The following RTTN variants were observed in gnomAD, a reference collection of about 807,000 sequenced individuals.
RTTN encodes the protein rotatin.
Under a neutral mutation model 269.2 loss-of-function variants are expected in RTTN, and 182 were observed. The observed-to-expected ratio is 0.68, with a 90% CI of 0.60 to 0.76. The LOEUF is 0.76. RTTN is among the 30% of genes least tolerant of loss of function. The pLI is 0.00. For synonymous variants in RTTN, 1,006 were observed against 963.5 expected (o/e 1.04, Z -0.82); for missense variants, 2,545 against 2,608.6 (o/e 0.98, Z 0.53).
intron 46 of RTTN, among the ~76,000 whole-genome samples, chr18:70,009,273 C>A (rs768563262): frequency 2.0e-5 from 3 of 151,878 alleles, no homozygotes; most frequent in Non-Finnish European, 2.9e-5. Context: ...GTAGCTGGGA[C>A]GACAGGTGGG....
chr18:70,088,062 A>G lies in RTTN; in HGVS notation c.4229T>C (p.Ile1410Thr), dbSNP rs1181634525. Residue 1410 changes from isoleucine to threonine, a missense_variant, in exon 31 of 49, where the codon ATT becomes ACT. Physicochemically the swap from Ile to Thr is moderately conservative, Grantham distance 89. Transcript: ENST00000640769. Reference protein sequence around the residue: ...CVALANSCQNISGGLWGTVVN... With the variant: ...CVALANSCQNTSGGLWGTVVN... Reference sequence around the variant, plus strand: ...CACAGTTCCCCAGAGCCCACCGGAAATGTTCTGACAACTGTTTGCTAAGGC... The same window carrying G: ...CACAGTTCCCCAGAGCCCACCGGAAGTGTTCTGACAACTGTTTGCTAAGGC... The G allele has an allele frequency of 6.2e-7, 1 of 1,613,984 alleles. No homozygotes were observed. The highest frequency in any genetic ancestry group is 1.7e-5 in the Admixed American group (1 of 59,956).
intron 44 of RTTN, 63 bp from the exon 45 acceptor site, chr18:70,020,880 T>A: frequency 1.5e-6 from 2 of 1,373,814 alleles, no homozygotes; most frequent in Non-Finnish European, 2.0e-6. Context: ...TTGAAGACAC[T>A]AAGTGGCAAA....
At chr18:70,006,563 C>T (rs1396868036) in intron 46 of RTTN, 79 bp from the exon 47 acceptor site, 4 of 1,031,378 alleles carry the variant, frequency 3.9e-6, no homozygotes, top group Middle Eastern at 2.1e-4. Context: ...GTCAGACACC[C>T]CCCTCTTTTC....
In RTTN at chr18:70,028,604, G is replaced by C. The variant is rs887673032; in HGVS notation, c.5823+120C>G. The C allele has an allele frequency of 6.9e-6, 4 of 578,086 alleles. No homozygotes were observed. The South Asian group carries it at 7.3e-5, about 11-fold the overall frequency. 35.8% of individuals were successfully genotyped at this position (578,086 alleles called of 1,614,324 possible). ...CACTGAGTTTAAGGACCAATCAACT[G>C]TGTGTCTAAAAATTTAAAAGTCAGA... On this transcript the variant is annotated intron_variant, in intron 43 of 48. Transcript: ENST00000640769.
intron 36 of RTTN, 26 bp downstream of exon 36, chr18:70,059,824 C>T (rs1446208441): frequency 1.4e-6 from 2 of 1,439,724 alleles, no homozygotes; most frequent in Non-Finnish European, 1.9e-6. Flanking sequence ...AACTAACATG[C>T]CTCTCTAGGA....
At chr18:70,193,215 C>T in intron 8 of RTTN, 73 bp downstream of exon 8, 1 of 985,466 alleles carries the variant, frequency 1.0e-6, no homozygotes, top group Non-Finnish European at 1.5e-6. Context: ...AAATAATTAT[C>T]TCCTTCTGAA....
intron 31 of RTTN, 94 bp downstream of exon 31, chr18:70,087,895 G>GGTCA: frequency 7.9e-7 from 1 of 1,270,618 alleles, no homozygotes; most frequent in East Asian, 2.3e-5. Context: ...CATGGTCAGT[G>GGTCA]GTCAGTCCAC....
intron 32 of RTTN, among the ~76,000 whole-genome samples, chr18:70,079,629 C>T (rs910165270): frequency 2.0e-5 from 3 of 152,214 alleles, no homozygotes; most frequent in Admixed American, 1.3e-4. Flanking sequence ...GCCTTGCCCT[C>T]AGGTGAGTTC....
chr18:70,191,553 A>C (rs911120699), intron 8 of RTTN, among the ~76,000 whole-genome samples: 7 of 152,210 alleles, frequency 4.6e-5, no homozygotes, highest in Non-Finnish European at 1.0e-4. Flanking sequence ...ACCCAAAAAA[A>C]CGGAACATCC....
intron 34 of RTTN, among the ~76,000 whole-genome samples, chr18:70,070,966 C>G (rs1358689075): frequency 6.6e-6 from 1 of 152,176 alleles, no homozygotes; most frequent in East Asian, 1.9e-4. Flanking sequence ...TCAGTGGCCA[C>G]TTCCTACACA....
intron 25 of RTTN, among the ~76,000 whole-genome samples, chr18:70,123,382 T>C (rs376483910): frequency 2.6e-5 from 4 of 152,076 alleles, no homozygotes; most frequent in South Asian, 2.1e-4. Context: ...TTTTGAAACA[T>C]ATATTATTAT....
intron 19 of RTTN, among the ~76,000 whole-genome samples, chr18:70,141,163 C>T (rs1284526811): frequency 6.6e-6 from 1 of 152,094 alleles, no homozygotes; most frequent in African/African-American, 2.4e-5. Context: ...GTTGTTAAAA[C>T]TAAAAATATG....
chr18:70,157,007 C>T (rs2060696022), intron 14 of RTTN, among the ~76,000 whole-genome samples: 1 of 152,140 alleles, frequency 6.6e-6, no homozygotes, highest in Non-Finnish European at 1.5e-5. Context: ...CAACAGCCAC[C>T]CCATAGGTCT....
At chr18:70,092,054 C>A in intron 30 of RTTN, 56 bp downstream of exon 30, 3 of 1,135,022 alleles carry the variant, frequency 2.6e-6, no homozygotes, top group African/African-American at 1.5e-5. Context: ...CACCTGGCCC[C>A]GTGTCATTTG....
chr18:70,109,785 G>C, intron 27 of RTTN, 68 bp from the exon 28 acceptor site: 1 of 1,230,492 alleles, frequency 8.1e-7, no homozygotes, highest in East Asian at 2.4e-5. Context: ...CTATCTTACT[G>C]GCTATAAAAG....
At chr18:70,163,396 C>T (rs2145886829) in intron 14 of RTTN, among the ~76,000 whole-genome samples, 1 of 151,546 alleles carries the variant, frequency 6.6e-6, no homozygotes, top group Non-Finnish European at 1.5e-5. Flanking sequence ...AAAAAAAAAT[C>T]CAGATAAAAA....
chr18:70,128,251 A>G (rs1288912956), intron 24 of RTTN, 107 bp downstream of exon 24: 2 of 811,414 alleles, frequency 2.5e-6, no homozygotes, highest in Non-Finnish European at 1.9e-6. Context: ...GCAGAATCAG[A>G]TGATACCAAG....
At chr18:70,148,662 G>T (rs2060458279) in intron 17 of RTTN, among the ~76,000 whole-genome samples, 1 of 152,166 alleles carries the variant, frequency 6.6e-6, no homozygotes, top group Non-Finnish European at 1.5e-5. Context: ...GCACTTAGTA[G>T]CAGTCCTGTA....
chr18:70,143,092 G>A (rs1439487971), intron 18 of RTTN, among the ~76,000 whole-genome samples: 1 of 152,148 alleles, frequency 6.6e-6, no homozygotes, highest in East Asian at 1.9e-4. Context: ...GTTTTGATTT[G>A]CATTTCTCCA....
Sources: gnomAD v4.1 joint callset for allele counts (sites outside exome capture counted in the v4.1 genomes callset) on GRCh38, gnomAD v4.1.1 for gene constraint, MANE v1.5 for transcripts, NCBI Gene and HGNC (gene_info 2026-07-23, HGNC 2026-07-21) for gene names.